Variants in KIFBP observed in about 807,000 individuals in gnomAD.
The protein encoded by KIFBP is KIF-binding protein.
A neutral mutation model predicts 58.9 loss-of-function variants in KIFBP; 46 were observed. The observed-to-expected ratio is 0.78, with a 90% CI of 0.62 to 1.00. KIFBP has a LOEUF of 1.00. Ranked by LOEUF, KIFBP falls within the 50% of genes least tolerant of loss-of-function variation. The pLI is 0.00. For synonymous variants in KIFBP, 241 were observed against 283.4 expected (o/e 0.85, Z 1.50); for missense variants, 651 against 752.9 (o/e 0.86, Z 1.58).
At chr10:68,992,797 C>T (rs1184895913) in intron 1 of KIFBP, among the ~76,000 whole-genome samples, 1 of 151,922 alleles carries the variant, frequency 6.6e-6, no homozygotes, top group East Asian at 1.9e-4. Flanking sequence ...CTGATGGTCT[C>T]TTTTTGTTTT....
intron 3 of KIFBP, among the ~76,000 whole-genome samples, 159 bp from the exon 4 acceptor site, chr10:69,005,573 G>A (rs1300031388): frequency 6.6e-6 from 1 of 151,996 alleles, no homozygotes; most frequent in Non-Finnish European, 1.5e-5. Context: ...CTACTCGGGA[G>A]GCTGAGGCAG....
At chr10:68,998,967 G>T (rs1171884285) in intron 1 of KIFBP, among the ~76,000 whole-genome samples, 1 of 151,524 alleles carries the variant, frequency 6.6e-6, no homozygotes, top group Non-Finnish European at 1.5e-5. Context: ...TTTCAGTAGA[G>T]ATGGGGTTTC....
chr10:69,016,607 G>T lies in KIFBP; in HGVS notation c.*191G>T, dbSNP rs1466988501. The T allele has an allele frequency of 3.5e-6, 2 of 573,284 alleles. No individual in the cohort carries two copies. Among genetic ancestry groups the T allele is most frequent in the African/African-American group, 3.7e-5 (2 of 53,630 alleles). 35.5% of individuals were successfully genotyped at this position (573,284 alleles called of 1,614,324 possible). ...TAATTAAAAACTTACACCTAATTAT[G>T]TAAATTGCCTTGTTAAAGACATGTG... On this transcript the variant is annotated 3_prime_UTR_variant, in exon 7 of 7. Coordinates refer to ENST00000361983, the MANE Select transcript of KIFBP (RefSeq NM_015634.4).
intron 1 of KIFBP, among the ~76,000 whole-genome samples, chr10:68,998,363 A>T (rs1048368715): frequency 8.5e-5 from 13 of 152,178 alleles, no homozygotes; most frequent in Non-Finnish European, 1.6e-4. Context: ...ATGAGCATAA[A>T]TGATATTTTG....
Position 69,004,992 on chromosome 10 carries a change from A to G in KIFBP, c.526-54A>G. The G allele has an allele frequency of 5.6e-6, 7 of 1,254,532 alleles. No homozygotes were observed. In the South Asian group the frequency reaches 7.2e-5, roughly 13 times the overall value. 77.7% of individuals were successfully genotyped at this position (1,254,532 alleles called of 1,614,324 possible). ...TTCTCCAGGTCCTCCAGAAGAGGGC[A>G]CTTGGTGTTTACAGTTTAAAACTTT... On this transcript the variant is annotated intron_variant, in intron 2 of 6. Transcript: ENST00000361983.
Position 69,015,529 on chromosome 10 carries a change from T to G in KIFBP, c.991-12T>G. On this transcript the variant is annotated splice_polypyrimidine_tract_variant and intron_variant, in intron 6 of 6. Transcript: ENST00000361983. The stretch of plus-strand genomic sequence containing the variant: ...GTCCTACTTAACCATAATTTATTTT[T>G]TTTTCCTTCAGGACAACATAGGAGA... 1 of 1,612,650 alleles carries G rather than the reference T, an allele frequency of 6.2e-7. No individual in the cohort carries two copies. Among genetic ancestry groups the G allele is most frequent in the Non-Finnish European group, 8.5e-7 (1 of 1,179,492 alleles).
At chr10:68,994,691 A>T (rs1157727721) in intron 1 of KIFBP, among the ~76,000 whole-genome samples, 1 of 152,102 alleles carries the variant, frequency 6.6e-6, no homozygotes, top group Non-Finnish European at 1.5e-5. Flanking sequence ...AGATTCATTG[A>T]GTTGCAATTG....
intron 2 of KIFBP, among the ~76,000 whole-genome samples, chr10:69,003,879 G>A (rs141633180): frequency 1.8e-3 from 268 of 152,144 alleles, no homozygotes; most frequent in African/African-American, 6.3e-3. Flanking sequence ...TTTTGCTTAT[G>A]CATGTTTTTA....
chr10:69,011,028 G>GA lies in KIFBP; in HGVS notation c.990+15dup, dbSNP rs772746580. ...ACTCTCCATGCAGGTAATGCAGTCA[G>GA]AAGCTGCCTTTTTCTTTCTTAAATG... On this transcript the variant is annotated intron_variant, in intron 6 of 6. Transcript: ENST00000361983. The GA allele has an allele frequency of 1.3e-6, 2 of 1,568,832 alleles. No homozygotes were observed.
chr10:69,000,044 C>CAAAA (rs766080138), intron 1 of KIFBP, among the ~76,000 whole-genome samples: 3 of 50,588 alleles, frequency 5.9e-5, no homozygotes, highest in Non-Finnish European at 8.3e-5. Context: ...GACTCCGTCT[C>CAAAA]AAAAAAAAAA....
chr10:69,011,911 G>A lies in KIFBP; in HGVS notation c.990+896G>A, dbSNP rs573820558. ...TCACCATTTTGGCCAAGCTGGTCTC[G>A]AACTCCTGACCTCAAGTGATCCATC... On this transcript the variant is annotated intron_variant, in intron 6 of 6. Coordinates refer to ENST00000361983, the MANE Select transcript of KIFBP (RefSeq NM_015634.4). 1.3e-4 allele frequency among the ~76,000 whole-genome samples: 20 copies of A among 151,082 alleles called. No individual in the cohort carries two copies. In the South Asian group the frequency reaches 4.0e-3, roughly 30 times the overall value.
intron 1 of KIFBP, chr10:68,991,283 T>C: frequency 5.5e-6 from 1 of 183,240 alleles, no homozygotes; most frequent in Non-Finnish European, 1.2e-5. Flanking sequence ...TGACATGGAG[T>C]CATCTTTCCA....
At chr10:68,992,101 C>T (rs936240287) in intron 1 of KIFBP, among the ~76,000 whole-genome samples, 2 of 152,048 alleles carry the variant, frequency 1.3e-5, no homozygotes, top group African/African-American at 4.8e-5. Flanking sequence ...TTAAGCGATC[C>T]TTCCACCTCA....
intron 2 of KIFBP, among the ~76,000 whole-genome samples, chr10:69,004,113 A>G (rs1018972862): frequency 2.7e-5 from 4 of 150,754 alleles, no homozygotes; most frequent in Non-Finnish European, 4.4e-5. Context: ...CTAGCTACCC[A>G]GGAGGTTAAG....
intron 2 of KIFBP, among the ~76,000 whole-genome samples, chr10:69,003,044 C>CAA (rs5785887): frequency 0.043 from 4,533 of 105,472 alleles, 307 homozygotes; most frequent in African/African-American, 0.15. Flanking sequence ...CCCGTCTTTA[C>CAA]AAAAAAAAAA....
intron 1 of KIFBP, 39 bp from the exon 2 acceptor site, chr10:69,000,385 T>G: frequency 1.5e-6 from 2 of 1,315,702 alleles, no homozygotes; most frequent in Non-Finnish European, 2.2e-6. Context: ...ATTGGAAGTC[T>G]TATATCATTG....
At chr10:68,992,069 T>C (rs561177735) in intron 1 of KIFBP, among the ~76,000 whole-genome samples, 6 of 152,086 alleles carry the variant, frequency 3.9e-5, no homozygotes, top group African/African-American at 1.4e-4. Context: ...TCACAGCTCA[T>C]TGCAACTTCC....
intron 4 of KIFBP, among the ~76,000 whole-genome samples, chr10:69,007,299 C>T (rs1843545551): frequency 6.6e-6 from 1 of 152,068 alleles, no homozygotes; most frequent in East Asian, 1.9e-4. Flanking sequence ...CCAACTAAGT[C>T]GTATTGCAAA....
At chr10:69,006,078 T>G (rs886804419) in intron 4 of KIFBP, 163 bp downstream of exon 4, 1 of 623,126 alleles carries the variant, frequency 1.6e-6, no homozygotes, top group African/African-American at 1.8e-5. Context: ...TACTAAAATT[T>G]TGTAGCTTTT....
Sources: allele counts gnomAD v4.1 joint callset (sites outside exome capture counted in the v4.1 genomes callset), GRCh38; gene constraint gnomAD v4.1.1; transcripts MANE v1.5; gene names NCBI Gene and HGNC (gene_info 2026-07-23, HGNC 2026-07-21).